The following ZDHHC1 variants were observed in gnomAD, a reference collection of about 807,000 sequenced individuals.
ZDHHC1 encodes the protein palmitoyltransferase ZDHHC1.
Under a neutral mutation model 46.9 loss-of-function variants are expected in ZDHHC1, and 45 were observed. The observed-to-expected ratio is 0.96, with a 90% CI of 0.76 to 1.23. The LOEUF is 1.23. ZDHHC1 is among the 50% of genes most tolerant of loss of function. ZDHHC1 has a pLI of 0.00. For synonymous variants in ZDHHC1, 291 were observed against 286.0 expected (o/e 1.02, Z -0.18); for missense variants, 649 against 670.8 (o/e 0.97, Z 0.36).
At chr16:67,398,388 G>A (rs527261083) in intron 7 of ZDHHC1, 64 bp from the exon 8 acceptor site, 70 of 1,559,118 alleles carry the variant, frequency 4.5e-5, no homozygotes, top group Non-Finnish European at 5.3e-5. Flanking sequence ...GAACAGGAGG[G>A]AGGACAACCA....
Position 67,414,431 on chromosome 16 carries a change from A to G in ZDHHC1, c.-39+1740T>C, listed in dbSNP as rs149552626. On this transcript the variant is annotated intron_variant, in intron 1 of 11. Coordinates refer to ENST00000565726, the MANE Select transcript of ZDHHC1 (RefSeq NM_001323627.2). Reference sequence around the variant, plus strand: ...TGTCTGAACCCAGCTCTCTTTCAGTAAAGGAAGTCAAGCCACTTTTTTACC... The same window carrying G: ...TGTCTGAACCCAGCTCTCTTTCAGTGAAGGAAGTCAAGCCACTTTTTTACC... 3.0e-3 allele frequency among the ~76,000 whole-genome samples: 460 copies of G among 152,306 alleles called. 2 individuals carry two copies. The highest frequency in any genetic ancestry group is 0.011 in the African/African-American group (440 of 41,544).
intron 3 of ZDHHC1, among the ~76,000 whole-genome samples, chr16:67,405,339 C>T (rs1048750725): frequency 6.6e-6 from 1 of 152,242 alleles, no homozygotes; most frequent in Non-Finnish European, 1.5e-5. Flanking sequence ...AGGAGCTGCT[C>T]GGTCCCGTGC....
chr16:67,400,507 C>G (rs557249701), intron 4 of ZDHHC1, among the ~76,000 whole-genome samples: 1 of 152,370 alleles, frequency 6.6e-6, no homozygotes, highest in South Asian at 2.1e-4. Context: ...AGATGTGAAT[C>G]TGGCTCCGCT....
chr16:67,397,201 C>A (rs1405317049), intron 8 of ZDHHC1, among the ~76,000 whole-genome samples: 1 of 152,172 alleles, frequency 6.6e-6, no homozygotes. Context: ...GCCTTGGCAG[C>A]GCAGGGCCAA....
chr16:67,397,992 G>A (rs1433699028), intron 8 of ZDHHC1, among the ~76,000 whole-genome samples: 3 of 152,170 alleles, frequency 2.0e-5, no homozygotes, highest in African/African-American at 4.8e-5. Context: ...CATGCTTGGC[G>A]CCTGGGCAGG....
At chr16:67,395,092 C>A in intron 10 of ZDHHC1, 30 bp from the exon 11 acceptor site, 1 of 1,613,242 alleles carries the variant, frequency 6.2e-7, no homozygotes, top group Non-Finnish European at 8.5e-7. Flanking sequence ...CCTGAGGGCC[C>A]CACATCGCCA....
intron 1 of ZDHHC1, among the ~76,000 whole-genome samples, chr16:67,415,943 A>G (rs2040827674): frequency 6.6e-6 from 1 of 152,108 alleles, no homozygotes; most frequent in East Asian, 1.9e-4. Flanking sequence ...GTCTGTTGGG[A>G]GTCCTCTGTG....
chr16:67,395,284 A>G lies in ZDHHC1; in HGVS notation c.1011-4T>C, dbSNP rs2040406467. 5 of 1,536,310 alleles carry G rather than the reference A, an allele frequency of 3.3e-6. No individual in the cohort carries two copies. The highest frequency in any genetic ancestry group is 4.4e-6 in the Non-Finnish European group (5 of 1,139,514). On this transcript the variant is annotated splice_region_variant and splice_polypyrimidine_tract_variant and intron_variant, in intron 9 of 11. Coordinates refer to ENST00000565726, the MANE Select transcript of ZDHHC1 (RefSeq NM_001323627.2). ...GGTGGCAAGAAACTGGGAGGGACTGAGGGGGAAGCAGGAGGGTAAGCCTGG... is the reference window on the plus strand; with the variant it reads ...GGTGGCAAGAAACTGGGAGGGACTGGGGGGGAAGCAGGAGGGTAAGCCTGG...
rs935298702 is a variant in ZDHHC1, at chr16:67,398,667, G to A, written c.720C>T (p.Ala240=). 1.6e-5 allele frequency: 26 copies of A among 1,607,944 alleles called. No homozygotes were observed. The highest frequency in any genetic ancestry group is 2.2e-5 in the Non-Finnish European group (26 of 1,178,090). Residue 240 remains alanine (A), a synonymous_variant, in exon 7 of 12, where the codon GCC becomes GCT. Transcript: ENST00000565726. The part of the protein sequence containing the change: ...FLPAAPVETQ[A]PAILALAALL... ...GGGCGGCCAGGGCCAGGATGGCAGG[G>A]GCCTGGGTCTCCACGGGGGCGGCAG...
rs573935339 is a variant in ZDHHC1, at chr16:67,406,278, C to T, written c.174G>A (p.Leu58=). 1.9e-4 allele frequency: 303 copies of T among 1,610,742 alleles called. No homozygotes were observed. In the South Asian group the frequency reaches 3.3e-3, roughly 17 times the overall value. The change falls in exon 3 of 12, where the codon CTG becomes CTA. Residue 58 remains leucine, a synonymous_variant. Coordinates refer to ENST00000565726, the MANE Select transcript of ZDHHC1 (RefSeq NM_001323627.2). The surrounding 1 kb of genome is among the most constrained non-coding windows in gnomAD (Gnocchi z 4.1). ...AGCCGATCACAGCAAAGAAGAGGTA[C>T]AGCAGCCAGGCCACAATCTGGAGCG... ...PHPLQIVAWL[L]YLFFAVIGFG...
chr16:67,405,774 G>C (rs2040642834), intron 3 of ZDHHC1, among the ~76,000 whole-genome samples: 2 of 152,212 alleles, frequency 1.3e-5, no homozygotes, highest in Non-Finnish European at 2.9e-5. Context: ...AAGGCACCAG[G>C]ACACTTATTA....
At chr16:67,395,113 A>G (rs1228177163) in intron 10 of ZDHHC1, 51 bp from the exon 11 acceptor site, 1 of 1,613,240 alleles carries the variant, frequency 6.2e-7, no homozygotes, top group Admixed American at 1.7e-5. Flanking sequence ...AAAGAAGCAG[A>G]GGCGAGCGCC....
chr16:67,402,225 G>A (rs377432569), intron 3 of ZDHHC1, among the ~76,000 whole-genome samples: 3 of 152,216 alleles, frequency 2.0e-5, no homozygotes, highest in South Asian at 2.1e-4. Flanking sequence ...CCAACTCTGC[G>A]CCTTCTGTCT....
intron 1 of ZDHHC1, among the ~76,000 whole-genome samples, chr16:67,409,730 A>T (rs960714257): frequency 2.0e-5 from 3 of 152,180 alleles, no homozygotes; most frequent in African/African-American, 7.2e-5. Context: ...ACCAGATTGA[A>T]AGACATGTGG....
At chr16:67,403,577 C>G (rs1365478646) in intron 3 of ZDHHC1, among the ~76,000 whole-genome samples, 3 of 151,840 alleles carry the variant, frequency 2.0e-5, no homozygotes, top group African/African-American at 4.8e-5. Flanking sequence ...GAATGCGGAG[C>G]CTTGACGCCA....
intron 1 of ZDHHC1, among the ~76,000 whole-genome samples, chr16:67,408,423 C>G (rs776939876): frequency 1.3e-5 from 2 of 152,018 alleles, no homozygotes; most frequent in African/African-American, 2.4e-5. Flanking sequence ...GATCCGCCAG[C>G]CTTGGCCTCC....
chr16:67,409,194 T>C (rs187366617), intron 1 of ZDHHC1, among the ~76,000 whole-genome samples: 5 of 152,174 alleles, frequency 3.3e-5, no homozygotes, highest in Admixed American at 6.5e-5. Context: ...ACTTACAGCC[T>C]TGGGGATGGC....
intron 3 of ZDHHC1, chr16:67,404,742 T>TC (rs1460992675): frequency 4.4e-6 from 2 of 455,770 alleles, no homozygotes; most frequent in Admixed American, 4.7e-5. Flanking sequence ...GGAGAATACC[T>TC]CCTTAAGGAT....
chr16:67,412,925 C>T (rs926650869), intron 1 of ZDHHC1, among the ~76,000 whole-genome samples: 4 of 152,012 alleles, frequency 2.6e-5, no homozygotes, highest in Admixed American at 6.6e-5. Flanking sequence ...CTCAGCCTCC[C>T]GAGTAGCTGG....
Sources: gnomAD v4.1 joint callset for allele counts (sites outside exome capture counted in the v4.1 genomes callset) on GRCh38, gnomAD v4.1.1 for gene constraint, Gnocchi (gnomAD v3.1) non-coding constraint, MANE v1.5 for transcripts, NCBI Gene and HGNC (gene_info 2026-07-23, HGNC 2026-07-21) for gene names.